Variants in DNAH7 observed in about 807,000 individuals in gnomAD.
The protein encoded by DNAH7 is dynein axonemal heavy chain 7, also known as axonemal beta dynein heavy chain 7.
DNAH7 carries 397 observed loss-of-function variants against 444.6 expected under a neutral mutation model. The observed-to-expected ratio is 0.89, with a 90% confidence interval of 0.82 to 0.97. DNAH7 has a LOEUF of 0.97. Among genes scored for constraint, DNAH7 ranks in the 50% least tolerant of loss-of-function variants. DNAH7 has a pLI of 0.00. For synonymous variants in DNAH7, 1,636 were observed against 1,624.4 expected (o/e 1.01, Z -0.17); for missense variants, 4,902 against 4,800.8 (o/e 1.02, Z -0.62).
At chr2:195,755,767 G>A (rs1303043619) in intron 62 of DNAH7, among the ~76,000 whole-genome samples, 1 of 152,196 alleles carries the variant, frequency 6.6e-6, no homozygotes, top group Non-Finnish European at 1.5e-5. Flanking sequence ...GGTCATTACT[G>A]ACTTGGGCTG....
chr2:196,025,088 A>C (rs1206762617), intron 7 of DNAH7, among the ~76,000 whole-genome samples: 1 of 152,230 alleles, frequency 6.6e-6, no homozygotes. Flanking sequence ...GAGGATGTAC[A>C]TAGGTTATAT....
chr2:195,761,299 GATAAA>G (rs1234637973), intron 61 of DNAH7, among the ~76,000 whole-genome samples: 1 of 151,704 alleles, frequency 6.6e-6, no homozygotes, highest in East Asian at 1.9e-4. Flanking sequence ...AGTAAGATGA[GATAAA>G]AGAAAAAACA....
At chr2:196,046,147 A>T (rs1473162112) in intron 5 of DNAH7, among the ~76,000 whole-genome samples, 1 of 152,214 alleles carries the variant, frequency 6.6e-6, no homozygotes, top group Non-Finnish European at 1.5e-5. Context: ...AGCTGAGCTT[A>T]CAAGAAAGAA....
At chr2:195,815,902 A>AGAAT (rs1697193357) in intron 51 of DNAH7, among the ~76,000 whole-genome samples, 1 of 152,156 alleles carries the variant, frequency 6.6e-6, no homozygotes, top group Admixed American at 6.6e-5. Flanking sequence ...CTGAGGCAGG[A>AGAAT]GAATGGTGTG....
intron 60 of DNAH7, among the ~76,000 whole-genome samples, chr2:195,774,973 A>G (rs1450678227): frequency 6.6e-6 from 1 of 152,226 alleles, no homozygotes; most frequent in Non-Finnish European, 1.5e-5. Context: ...AATCAAATTA[A>G]CAACTGAGCA....
intron 23 of DNAH7, 123 bp downstream of exon 23, chr2:195,923,472 T>C (rs1688143597): frequency 2.4e-6 from 2 of 830,898 alleles, no homozygotes; most frequent in African/African-American, 1.7e-5. Context: ...TACTTGGGTA[T>C]AGTCTGCCAT....
chr2:195,889,139 G>A (rs1239813104), intron 31 of DNAH7, among the ~76,000 whole-genome samples, 158 bp from the exon 32 acceptor site: 4 of 152,244 alleles, frequency 2.6e-5, no homozygotes, highest in African/African-American at 7.2e-5. Context: ...TACTATGTGT[G>A]TGTGTGCACA....
At position 195,934,804 on chromosome 2, in the gene DNAH7, A is replaced by G. The variant is rs1553567644; in HGVS notation, c.3273-15T>C. The G allele has an allele frequency of 6.2e-7, 1 of 1,613,464 alleles. No individual in the cohort carries two copies. The highest frequency in any genetic ancestry group is 2.2e-5 in the East Asian group (1 of 44,838). On this transcript the variant is annotated splice_polypyrimidine_tract_variant and intron_variant, in intron 20 of 64. Transcript: ENST00000312428. ...GAGGTTGCACCCTGTCAGGAAAAACATTTTTAAGATAATTAACCAAGTTAA... is the reference window on the plus strand; with the variant it reads ...GAGGTTGCACCCTGTCAGGAAAAACGTTTTTAAGATAATTAACCAAGTTAA...
intron 8 of DNAH7, among the ~76,000 whole-genome samples, chr2:196,021,560 C>A (rs554705427): frequency 2.3e-4 from 35 of 152,274 alleles, no homozygotes; most frequent in African/African-American, 8.2e-4. Context: ...AGGCTCACAC[C>A]TGTAATCCCA....
intron 27 of DNAH7, chr2:195,903,680 G>A (rs1372145205): frequency 3.9e-5 from 6 of 152,254 alleles, no homozygotes; most frequent in African/African-American, 1.2e-4. Context: ...ACTACAGTAA[G>A]TATGATCTTC....
At chr2:195,915,111 T>C (rs1292414760) in intron 24 of DNAH7, among the ~76,000 whole-genome samples, 3 of 152,184 alleles carry the variant, frequency 2.0e-5, no homozygotes, top group African/African-American at 7.2e-5. Context: ...TAGGGCACAA[T>C]CTTTGTCCAT....
intron 2 of DNAH7, among the ~76,000 whole-genome samples, chr2:196,052,897 C>T (rs974966155): frequency 2.0e-5 from 3 of 152,138 alleles, no homozygotes; most frequent in African/African-American, 7.2e-5. Context: ...GTAATCCATT[C>T]CCTAACTCAA....
At chr2:195,917,283 T>C (rs755493906) in intron 24 of DNAH7, among the ~76,000 whole-genome samples, 3 of 151,952 alleles carry the variant, frequency 2.0e-5, no homozygotes, top group Non-Finnish European at 4.4e-5. Context: ...ATGGCGGAGT[T>C]TGACAGGTAT....
intron 17 of DNAH7, among the ~76,000 whole-genome samples, chr2:195,968,396 T>C (rs1472981131): frequency 6.6e-6 from 1 of 152,106 alleles, no homozygotes; most frequent in Non-Finnish European, 1.5e-5. Context: ...CAGCCCAGGG[T>C]ATGTCTACAT....
rs200041906 is a variant in DNAH7, at chr2:195,816,723, G to A, written c.9666C>T (p.Asn3222=). 8.1e-6 allele frequency: 13 copies of A among 1,614,154 alleles called. No individual in the cohort carries two copies. In the African/African-American group the frequency reaches 1.7e-4, roughly 22 times the overall value. ...GTGAATACTGGTACATGGGCTCAAT[G>A]TTGGCTAAATCAGCAAGAGAAAAAA... ...ILFFSLADLA[N]IEPMYQYSLT... is the part of the protein sequence containing the mutation. The change falls in exon 51 of 65, where the codon AAC becomes AAT. Residue 3222 remains asparagine, a synonymous_variant. Transcript: ENST00000312428.
intron 5 of DNAH7, among the ~76,000 whole-genome samples, chr2:196,042,387 T>A (rs1305601300): frequency 6.6e-6 from 1 of 151,994 alleles, no homozygotes; most frequent in East Asian, 1.9e-4. Context: ...CATAAATATA[T>A]AAAATTATTA....
intron 19 of DNAH7, among the ~76,000 whole-genome samples, chr2:195,949,631 A>C (rs1690079474): frequency 3.3e-5 from 5 of 152,130 alleles, no homozygotes; most frequent in African/African-American, 1.2e-4. Context: ...CAGAACTTCC[A>C]ATACTATGTT....
chr2:195,740,662 T>C (rs1398236530), intron 64 of DNAH7, 104 bp downstream of exon 64: 10 of 193,842 alleles, frequency 5.2e-5, no homozygotes, highest in African/African-American at 2.1e-4. Context: ...CACACACACA[T>C]ATGTATACAC....
intron 30 of DNAH7, chr2:195,894,399 G>C (rs1423756008): frequency 1.3e-5 from 2 of 152,070 alleles, no homozygotes; most frequent in African/African-American, 2.4e-5. Flanking sequence ...ACCTCATATA[G>C]GATATGAACA....
Sources: allele counts gnomAD v4.1 joint callset (sites outside exome capture counted in the v4.1 genomes callset), GRCh38; gene constraint gnomAD v4.1.1; transcripts MANE v1.5; gene names NCBI Gene and HGNC (gene_info 2026-07-23, HGNC 2026-07-21).